Variants in VRTN observed in about 807,000 individuals in gnomAD.
VRTN encodes the protein vertebrae development associated, also known as vertnin.
VRTN carries 5 observed loss-of-function variants against 18.2 expected under a neutral mutation model. That is an observed-to-expected ratio of 0.27 (90% CI 0.14 to 0.58). VRTN has a LOEUF of 0.58. Ranked by LOEUF, VRTN falls within the 20% of genes least tolerant of loss-of-function variation. VRTN has a pLI of 0.91. For synonymous variants in VRTN, 381 were observed against 393.7 expected (o/e 0.97, Z 0.38); for missense variants, 741 against 939.4 (o/e 0.79, Z 2.76).
chr14:74,348,427 G>T (rs1353614804), upstream of VRTN: 1 of 152,274 alleles, frequency 6.6e-6, no homozygotes, highest in Non-Finnish European at 1.5e-5. Context: ...TTGAGGGTGG[G>T]CGATTTCCTG....
At position 74,324,387 on chromosome 14, in the gene VRTN, CAAA is replaced by C. The variant is rs34158619; in HGVS notation, c.-163-13317_-163-13315del. ...TGGGTGACAGAGTGAGACTCTGACTCAAAAAAAAAAAAAAAAAAAAAGAAGGAT... is the reference window on the plus strand; with the variant it reads ...TGGGTGACAGAGTGAGACTCTGACTCAAAAAAAAAAAAAAAAAAGAAGGAT... On this transcript the variant is annotated intron_variant, in intron 1 of 2. Coordinates refer to the VRTN transcript ENST00000557177. 9.7e-3 allele frequency among the ~76,000 whole-genome samples: 707 copies of C among 73,190 alleles called. 5 individuals are homozygous for C. Among genetic ancestry groups the C allele is most frequent in the African/African-American group, 0.028 (575 of 20,864 alleles). The allele number at this position is 73,190 out of a possible 152,430, so 48.0% of individuals were successfully genotyped here. A position where few individuals can be genotyped will look rare whatever the true frequency, so the allele number is the denominator to read the frequency against.
chr14:74,323,771 G>T (rs1354754588), intron 1 of VRTN, among the ~76,000 whole-genome samples: 1 of 152,100 alleles, frequency 6.6e-6, no homozygotes, highest in Non-Finnish European at 1.5e-5. Flanking sequence ...AGGAGACCTG[G>T]ATTCTAGGCC....
intron 2 of VRTN, among the ~76,000 whole-genome samples, chr14:74,342,308 C>T (rs1199130971): frequency 1.3e-5 from 2 of 151,686 alleles, no homozygotes; most frequent in Non-Finnish European, 2.9e-5. Flanking sequence ...GTTCAAAGTC[C>T]AACTAGGAAC....
intron 1 of VRTN, among the ~76,000 whole-genome samples, chr14:74,316,732 G>A (rs2085421238): frequency 6.6e-6 from 1 of 150,562 alleles, no homozygotes; most frequent in Non-Finnish European, 1.5e-5. Context: ...CGCCTCCCGG[G>A]TTCACGCCAT....
At chr14:74,306,617 T>G (rs1595160012) in intron 1 of VRTN, 1 of 151,098 alleles carries the variant, frequency 6.6e-6, no homozygotes, top group East Asian at 1.9e-4. Context: ...TGTGGTTTTT[T>G]TTTTTTTTTT....
In VRTN at chr14:74,357,796, G is replaced by A. The variant is rs1179641252; in HGVS notation, c.1013G>A (p.Arg338Gln). The change falls in exon 2 of 2, where the codon CGG (arginine) becomes CAG (glutamine). Residue 338 changes from arginine to glutamine, a missense_variant. By Grantham distance (43) the Arg-to-Gln change is conservative. This residue lies in a region of VRTN where 494 missense variants were observed against 546.5 expected (regional missense o/e 0.90). Transcript: ENST00000256362. This position sits in a 1 kb window ranked among gnomAD's most constrained non-coding sequence, Gnocchi z 7.8. ...GTGCCACTTCAGCAGTTCCTCCAGC[G>A]GTTCCCGGAGATCTCCCGCTCAACC... Reference protein sequence around the residue: ...GVVPLQQFLQRFPEISRSTYY... With the variant: ...GVVPLQQFLQQFPEISRSTYY... The A allele has an allele frequency of 1.5e-5, 24 of 1,613,006 alleles. No homozygotes were observed. Among genetic ancestry groups the A allele is most frequent in the Non-Finnish European group, 1.8e-5 (21 of 1,180,046 alleles).
chr14:74,331,544 T>TATATATATATATA (rs1555411068), intron 1 of VRTN, among the ~76,000 whole-genome samples: 5 of 43,488 alleles, frequency 1.1e-4, no homozygotes, highest in South Asian at 1.1e-3. Flanking sequence ...AAAAAAAATT[T>TATATATATATATA]TATATATATA....
In VRTN at chr14:74,358,350, C is replaced by T. The variant is rs760708028; in HGVS notation, c.1567C>T (p.His523Tyr). 6.2e-7 allele frequency: 1 copy of T among 1,613,492 alleles called. No individual in the cohort carries two copies. The highest frequency in any genetic ancestry group is 1.1e-5 in the South Asian group (1 of 91,054). The part of the protein sequence containing the change: ...RAARRQVLSG[H>Y]LPFCRFRLRY... ...TGCCCGCAGGCAGGTGCTGAGTGGGCATCTCCCTTTCTGCCGCTTCCGCCT... is the reference window on the plus strand; with the variant it reads ...TGCCCGCAGGCAGGTGCTGAGTGGGTATCTCCCTTTCTGCCGCTTCCGCCT... Residue 523 changes from histidine (H) to tyrosine (Y), a missense_variant, in exon 2 of 2, where the codon CAT becomes TAT. Physicochemically the swap from His to Tyr is moderately conservative, Grantham distance 83. Coordinates refer to ENST00000256362, the MANE Select transcript of VRTN (RefSeq NM_018228.3). The surrounding 1 kb of genome is among the most constrained non-coding windows in gnomAD (Gnocchi z 5.4).
chr14:74,350,374 A>G (rs547527511), intron 1 of VRTN, among the ~76,000 whole-genome samples: 2 of 152,100 alleles, frequency 1.3e-5, no homozygotes, highest in Admixed American at 1.3e-4. Context: ...TGGGCCTGGG[A>G]AGAGTAGATA....
At chr14:74,309,224 T>A (rs899695150) in intron 1 of VRTN, among the ~76,000 whole-genome samples, 2 of 152,192 alleles carry the variant, frequency 1.3e-5, no homozygotes, top group Admixed American at 1.3e-4. Context: ...GCTGGTTATA[T>A]TTTCATTTTG....
Position 74,358,266 on chromosome 14 carries a change from G to A in VRTN, c.1483G>A (p.Gly495Arg), listed in dbSNP as rs200392703. 19 of 1,610,822 alleles carry A rather than the reference G, an allele frequency of 1.2e-5. No individual in the cohort carries two copies. Among genetic ancestry groups the A allele is most frequent in the Admixed American group, 1.7e-5 (1 of 59,948 alleles). Residue 495 changes from glycine (G) to arginine (R), a missense_variant, in exon 2 of 2, where the codon GGG (glycine) becomes AGG (arginine). Physicochemically the swap from Gly to Arg is moderately radical, Grantham distance 125. Transcript: ENST00000256362. The surrounding 1 kb of genome is among the most constrained non-coding windows in gnomAD (Gnocchi z 5.4). ...NATGEDPPAP[G>R]ELLPLRMPLS... ...CACAGGTGAGGACCCTCCCGCCCCC[G>A]GGGAGCTCCTGCCACTAAGGATGCC...
At position 74,358,518 on chromosome 14, in the gene VRTN, G is replaced by A; in HGVS notation, c.1735G>A (p.Glu579Lys). ...GGAGGCTGAGGAGAAGCAGGAGAAGGAGGCTGGCAGGGATGTGACAGCTGT... is the reference window on the plus strand; with the variant it reads ...GGAGGCTGAGGAGAAGCAGGAGAAGAAGGCTGGCAGGGATGTGACAGCTGT... Reference protein sequence around the residue: ...GQEAEEKQEKEAGRDVTAVMA... With the variant: ...GQEAEEKQEKKAGRDVTAVMA... The change falls in exon 2 of 2, where the codon GAG (glutamate) becomes AAG (lysine). Residue 579 changes from glutamate (E) to lysine (K), a missense_variant. By Grantham distance (56) the Glu-to-Lys change is moderately conservative. This residue lies in a region of VRTN where 494 missense variants were observed against 546.5 expected (regional missense o/e 0.90). Coordinates refer to ENST00000256362, the MANE Select transcript of VRTN (RefSeq NM_018228.3). The surrounding 1 kb of genome is among the most constrained non-coding windows in gnomAD (Gnocchi z 5.4). 2.5e-6 allele frequency: 4 copies of A among 1,614,012 alleles called. No individual in the cohort carries two copies. Among genetic ancestry groups the A allele is most frequent in the Non-Finnish European group, 1.7e-6 (2 of 1,179,906 alleles).
chr14:74,308,076 A>AT (rs1391627652), intron 1 of VRTN, among the ~76,000 whole-genome samples: 1 of 152,066 alleles, frequency 6.6e-6, no homozygotes, highest in Non-Finnish European at 1.5e-5. Flanking sequence ...ACTGTGATCG[A>AT]TGTTTTCTTT....
intron 2 of VRTN, among the ~76,000 whole-genome samples, chr14:74,338,488 C>G (rs978611932): frequency 6.6e-6 from 1 of 152,218 alleles, no homozygotes; most frequent in African/African-American, 2.4e-5. Context: ...AGACTGCGTT[C>G]ACTCTTTGTG....
intron 1 of VRTN, among the ~76,000 whole-genome samples, chr14:74,308,769 G>T (rs1023468091): frequency 6.6e-6 from 1 of 152,010 alleles, no homozygotes; most frequent in Non-Finnish European, 1.5e-5. Context: ...GCTGGCCTTG[G>T]CCTCCCAAAG....
At chr14:74,341,887 G>A (rs924178363) in intron 2 of VRTN, among the ~76,000 whole-genome samples, 2 of 152,174 alleles carry the variant, frequency 1.3e-5, no homozygotes, top group African/African-American at 2.4e-5. Context: ...TTTGTTCAAA[G>A]CGAGGTATAT....
rs1400672520 is a variant in VRTN, at chr14:74,358,728, A to G, written c.1945A>G (p.Thr649Ala). 1 of 1,614,222 alleles carries G rather than the reference A, an allele frequency of 6.2e-7. No individual in the cohort carries two copies. The highest frequency in any genetic ancestry group is 2.2e-5 in the East Asian group (1 of 44,888). ...GCTGGTGATGGACATGATCGCTACCACGAAGTTCAAGGCCCAGGCCAAGCT... is the reference window on the plus strand; with the variant it reads ...GCTGGTGATGGACATGATCGCTACCGCGAAGTTCAAGGCCCAGGCCAAGCT... ...RMLVMDMIATTKFKAQAKLFL... is the reference protein window; with the variant it reads ...RMLVMDMIATAKFKAQAKLFL... The change falls in exon 2 of 2, where the codon ACG becomes GCG. Residue 649 changes from threonine to alanine, a missense_variant. Physicochemically the swap from Thr to Ala is moderately conservative, Grantham distance 58. Transcript: ENST00000256362. This position sits in a 1 kb window ranked among gnomAD's most constrained non-coding sequence, Gnocchi z 5.4.
At chr14:74,312,880 T>C (rs747207004) in intron 1 of VRTN, among the ~76,000 whole-genome samples, 4 of 151,332 alleles carry the variant, frequency 2.6e-5, no homozygotes, top group Non-Finnish European at 4.4e-5. Context: ...GTAGCTGGGA[T>C]TACAGGCTCA....
intron 1 of VRTN, among the ~76,000 whole-genome samples, chr14:74,322,781 C>A (rs969319767): frequency 2.6e-5 from 4 of 152,154 alleles, no homozygotes; most frequent in Admixed American, 2.0e-4. Flanking sequence ...GCAGGACAAG[C>A]CTTCAAACAA....
Sources: gnomAD v4.1 joint callset for allele counts (sites outside exome capture counted in the v4.1 genomes callset) on GRCh38, gnomAD v4.1.1 for gene constraint, gnomAD v4.1.1 regional missense constraint, Gnocchi (gnomAD v3.1) non-coding constraint, MANE v1.5 for transcripts, NCBI Gene and HGNC (gene_info 2026-07-23, HGNC 2026-07-21) for gene names.